Variants in FOXK2 observed in about 807,000 individuals in gnomAD.
FOXK2 encodes forkhead box protein K2.
Under a neutral mutation model 53.3 loss-of-function variants are expected in FOXK2, and 24 were observed. The observed-to-expected ratio is 0.45, with a 90% CI of 0.33 to 0.63. FOXK2 has a LOEUF of 0.63. Ranked by LOEUF, FOXK2 falls within the 30% of genes least tolerant of loss-of-function variation. The pLI is 0.03. For synonymous variants in FOXK2, 505 were observed against 407.1 expected (o/e 1.24, Z -2.89); for missense variants, 952 against 910.5 (o/e 1.05, Z -0.59).
intron 1 of FOXK2, among the ~76,000 whole-genome samples, chr17:82,553,753 G>T (rs1248935085): frequency 1.3e-5 from 2 of 152,246 alleles, no homozygotes; most frequent in African/African-American, 4.8e-5. Flanking sequence ...AGTTGCGCCT[G>T]TGGTGGAGAT....
At position 82,586,077 on chromosome 17, in the gene FOXK2, G is replaced by A. The variant is rs757194868; in HGVS notation, c.1453G>A (p.Val485Met). Residue 485 changes from valine to methionine, a missense_variant, in exon 7 of 9, where the codon GTG becomes ATG. Physicochemically the swap from Val to Met is conservative, Grantham distance 21. Around this residue, in one of 5 missense-constraint regions of FOXK2, gnomAD observed 551 missense variants for 385.1 expected, o/e 1.43. Transcript: ENST00000335255. The part of the protein sequence containing the change: ...HQIPAVSVTS[V>M]AGLAPANTYT... ...GATCCCAGCGGTGTCGGTCACCAGT[G>A]TGGCCGGACTGGCCCCAGCGAACAC... 6.2e-7 allele frequency: 1 copy of A among 1,612,810 alleles called. No homozygotes were observed.
chr17:82,531,150 C>G (rs540093112), intron 1 of FOXK2, among the ~76,000 whole-genome samples: 1 of 152,274 alleles, frequency 6.6e-6, no homozygotes, highest in African/African-American at 2.4e-5. Context: ...TGGGCTGATT[C>G]ATCTTTACAT....
At chr17:82,555,328 C>T (rs1293793822) in intron 1 of FOXK2, among the ~76,000 whole-genome samples, 1 of 152,112 alleles carries the variant, frequency 6.6e-6, no homozygotes, top group African/African-American at 2.4e-5. Flanking sequence ...AGGATCTAAC[C>T]CCCGGCATCT....
At position 82,564,484 on chromosome 17, in the gene FOXK2, C is replaced by T. The variant is rs115844580; in HGVS notation, c.614+936C>T. Among the ~76,000 whole-genome samples, 793 of 152,068 alleles carry T rather than the reference C, an allele frequency of 5.2e-3. 5 individuals are homozygous for T. Among genetic ancestry groups the T allele is most frequent in the African/African-American group, 0.018 (758 of 41,474 alleles). Reference sequence around the variant, plus strand: ...CTCCTGGACTTAAGTGATCCTCCCGCCTTGACCTTCTGAGTAGCTGGGACA... The same window carrying T: ...CTCCTGGACTTAAGTGATCCTCCCGTCTTGACCTTCTGAGTAGCTGGGACA... On this transcript the variant is annotated intron_variant, in intron 2 of 8. Coordinates refer to ENST00000335255, the MANE Select transcript of FOXK2 (RefSeq NM_004514.4).
chr17:82,526,989 A>G (rs573236625), intron 1 of FOXK2, among the ~76,000 whole-genome samples: 2 of 152,254 alleles, frequency 1.3e-5, no homozygotes, highest in African/African-American at 2.4e-5. Flanking sequence ...CGGAGCTACT[A>G]GGAAAGTCTG....
In FOXK2 at chr17:82,601,650, T is replaced by A; in HGVS notation, c.*151T>A. On this transcript the variant is annotated 3_prime_UTR_variant, in exon 9 of 9. Coordinates refer to ENST00000335255, the MANE Select transcript of FOXK2 (RefSeq NM_004514.4). The stretch of plus-strand genomic sequence containing the variant: ...AAACCCAGCTGGCCTTAACACTCCT[T>A]AAAGACAGAAGTCACACTTGAACAA... 2 of 684,862 alleles carry A rather than the reference T, an allele frequency of 2.9e-6. No individual in the cohort carries two copies. The highest frequency in any genetic ancestry group is 2.4e-6 in the Non-Finnish European group (1 of 421,782). 42.4% of individuals were successfully genotyped at this position (684,862 alleles called of 1,614,324 possible).
chr17:82,599,215 A>T (rs11869798), intron 8 of FOXK2: 2 of 150,242 alleles, frequency 1.3e-5, no homozygotes, highest in African/African-American at 2.5e-5. Flanking sequence ...CTCCTGCCTC[A>T]GCCTCCCGAG....
intron 4 of FOXK2, among the ~76,000 whole-genome samples, chr17:82,582,194 A>G (rs1227936954): frequency 3.3e-5 from 5 of 152,186 alleles, no homozygotes; most frequent in Non-Finnish European, 7.4e-5. Flanking sequence ...CAGCTAAGTC[A>G]TTGCCTCCAC....
chr17:82,603,438 G>T lies in FOXK2; in HGVS notation c.*1939G>T, dbSNP rs565929656. 1.1e-4 allele frequency: 17 copies of T among 152,394 alleles called. No homozygotes were observed. Among genetic ancestry groups the T allele is most frequent in the African/African-American group, 4.1e-4 (17 of 41,590 alleles). The allele number at this position is 152,394 out of a possible 1,614,324, so 9.4% of individuals were successfully genotyped here. ...TGATGGGGTTCTCTGATTGATAGGA[G>T]ACGAGCTCTTGAGCTCTAAGGAACA... On this transcript the variant is annotated 3_prime_UTR_variant, in exon 9 of 9. Coordinates refer to ENST00000335255, the MANE Select transcript of FOXK2 (RefSeq NM_004514.4).
intron 4 of FOXK2, chr17:82,577,285 G>A: frequency 8.0e-7 from 1 of 1,242,600 alleles, no homozygotes; most frequent in East Asian, 2.4e-5. Flanking sequence ...GTAATAACTG[G>A]AACTCGTTAT....
chr17:82,546,673 G>A (rs189435406), intron 1 of FOXK2, among the ~76,000 whole-genome samples: 166 of 152,022 alleles, frequency 1.1e-3, no homozygotes, highest in African/African-American at 3.8e-3. Context: ...TCACCATGTT[G>A]CCCAGGCTGG....
At chr17:82,540,438 C>T (rs950050602) in intron 1 of FOXK2, among the ~76,000 whole-genome samples, 3 of 152,148 alleles carry the variant, frequency 2.0e-5, no homozygotes, top group Non-Finnish European at 4.4e-5. Flanking sequence ...TCCTTCTGCA[C>T]GTAATCTGTT....
In FOXK2 at chr17:82,563,550, TGCG is replaced by T. The variant is rs2044820898; in HGVS notation, c.614+5_614+7del. 2 of 1,610,926 alleles carry T rather than the reference TGCG, an allele frequency of 1.2e-6. No individual in the cohort carries two copies. The highest frequency in any genetic ancestry group is 1.7e-6 in the Non-Finnish European group (2 of 1,178,838). ...GCCCTCCCCCACGGGAACCATCAGG[TGCG>T]GCCATGGGGATGGGGGACTGGAGCA... On this transcript the variant is annotated splice_donor_5th_base_variant and intron_variant, in intron 2 of 8. Transcript: ENST00000335255.
intron 1 of FOXK2, among the ~76,000 whole-genome samples, chr17:82,534,204 C>G (rs2044499304): frequency 6.6e-6 from 1 of 151,884 alleles, no homozygotes; most frequent in African/African-American, 2.4e-5. Flanking sequence ...TGTGATTGCA[C>G]TATTGCACTC....
rs1487638478 is a variant in FOXK2 at position 82,520,064 on chromosome 17, A to C, written c.176A>C (p.Asn59Thr). Residue 59 changes from asparagine to threonine, a missense_variant, in exon 1 of 9, where the codon AAC (asparagine) becomes ACC (threonine). Around this residue, in one of 5 missense-constraint regions of FOXK2, gnomAD observed 163 missense variants for 165.5 expected, o/e 0.98. Coordinates refer to ENST00000335255, the MANE Select transcript of FOXK2 (RefSeq NM_004514.4). ...MKKRSVTIGR[N>T]SSQGSVDVSM... ...AAGCGCTCGGTGACCATCGGCCGCAACTCGTCGCAGGGCTCGGTGGACGTG... is the reference window on the plus strand; with the variant it reads ...AAGCGCTCGGTGACCATCGGCCGCACCTCGTCGCAGGGCTCGGTGGACGTG... The C allele has an allele frequency of 2.6e-6, 4 of 1,538,506 alleles. No homozygotes were observed. The Admixed American group carries it at 7.5e-5, about 29-fold the overall frequency.
chr17:82,596,108 C>CCTGCGGCCACAGA, intron 8 of FOXK2: 4 of 1,054,854 alleles, frequency 3.8e-6, no homozygotes, highest in Non-Finnish European at 3.5e-6. Flanking sequence ...TGAGGCCACA[C>CCTGCGGCCACAGA]CTGCGGCCAC....
intron 1 of FOXK2, among the ~76,000 whole-genome samples, chr17:82,540,154 G>A (rs1447457660): frequency 1.3e-5 from 2 of 151,900 alleles, no homozygotes; most frequent in Non-Finnish European, 2.9e-5. Flanking sequence ...GATGGCGGAT[G>A]CCTGTAATCC....
intron 1 of FOXK2, among the ~76,000 whole-genome samples, chr17:82,548,918 C>A (rs2044651548): frequency 6.6e-6 from 1 of 152,158 alleles, no homozygotes; most frequent in Admixed American, 6.6e-5. Flanking sequence ...GAGGGCTGTG[C>A]ACTTTCCACT....
Position 82,563,537 on chromosome 17 carries a change from G to A in FOXK2, c.603G>A (p.Thr201=), listed in dbSNP as rs780583952. 2.5e-6 allele frequency: 4 copies of A among 1,613,178 alleles called. No individual in the cohort carries two copies. The highest frequency in any genetic ancestry group is 3.4e-6 in the Non-Finnish European group (4 of 1,179,502). ...AHLISPLPSP[T]GTISAANSCP... ...TCATCAGCCCTCTGCCCTCCCCCAC[G>A]GGAACCATCAGGTGCGGCCATGGGG... Residue 201 remains threonine, a synonymous_variant, in exon 2 of 9, where the codon ACG becomes ACA. Transcript: ENST00000335255.
Sources: allele counts gnomAD v4.1 joint callset (sites outside exome capture counted in the v4.1 genomes callset), GRCh38; gene constraint gnomAD v4.1.1; regional missense constraint gnomAD v4.1.1; transcripts MANE v1.5; gene names NCBI Gene and HGNC (gene_info 2026-07-23, HGNC 2026-07-21).